NEDD1: variants seen among roughly 807,000 people sequenced by gnomAD.
NEDD1 encodes the protein protein NEDD1.
In NEDD1, 33 loss-of-function variants were observed where a neutral mutation model predicts 74.0. The ratio of observed to expected loss-of-function variants is 0.45; its 90% CI spans 0.34 to 0.60. The LOEUF is 0.60. NEDD1 is among the 20% of genes least tolerant of loss of function. The probability of loss-of-function intolerance (pLI) is 0.01; values close to 1 mark genes in which losing one functional copy is unlikely to be tolerated. For missense variants in NEDD1, 746 were observed against 776.5 expected (o/e 0.96, Z 0.47); for synonymous variants, 250 against 264.4 (o/e 0.95, Z 0.53).
chr12:96,920,743 T>G (rs1459527487), intron 6 of NEDD1, among the ~76,000 whole-genome samples: 3 of 152,200 alleles, frequency 2.0e-5, no homozygotes, highest in Non-Finnish European at 4.4e-5. Context: ...AGATTCGCCA[T>G]AGAAATTTCC....
intron 12 of NEDD1, 30 bp from the exon 13 acceptor site, chr12:96,944,609 T>G (rs1380829239): frequency 1.4e-6 from 2 of 1,427,186 alleles, no homozygotes; most frequent in Non-Finnish European, 1.9e-6. Flanking sequence ...AAATTGTATA[T>G]TAAAGTCATT....
Position 96,940,521 on chromosome 12 carries a change from C to T in NEDD1, c.1230C>T (p.Phe410=), listed in dbSNP as rs747798181. The part of the protein sequence containing the change: ...DTGKSSLGDM[F]SPIRDDAVVN... ...GGAAAAGTAGTTTAGGTGACATGTT[C>T]TCACCTATCAGAGATGGTAAGTCTG... The change falls in exon 10 of 16, where the codon TTC becomes TTT. Residue 410 remains phenylalanine (F), a synonymous_variant. Transcript: ENST00000266742. The T allele has an allele frequency of 3.7e-6, 6 of 1,602,942 alleles. No individual in the cohort carries two copies. The highest frequency in any genetic ancestry group is 2.7e-5 in the African/African-American group (2 of 74,616).
At chr12:96,913,430 A>G (rs535014168) in intron 4 of NEDD1, among the ~76,000 whole-genome samples, 79 of 151,228 alleles carry the variant, frequency 5.2e-4, no homozygotes, top group Non-Finnish European at 8.8e-4. Flanking sequence ...CTGGAGTGCA[A>G]TGGTGCAATC....
At chr12:96,946,869 C>T (rs1478551514) in intron 14 of NEDD1, among the ~76,000 whole-genome samples, 1 of 152,136 alleles carries the variant, frequency 6.6e-6, no homozygotes, top group Admixed American at 6.5e-5. Context: ...GCATCCATCT[C>T]TTTTTATTCA....
At chr12:96,925,378 G>T (rs575398542) in intron 6 of NEDD1, among the ~76,000 whole-genome samples, 1 of 152,258 alleles carries the variant, frequency 6.6e-6, no homozygotes, top group South Asian at 2.1e-4. Flanking sequence ...TCATTGCATT[G>T]AATTACATTG....
In NEDD1 at chr12:96,909,786, A is replaced by T. The variant is rs750577784; in HGVS notation, c.27A>T (p.Ser9=). The change falls in exon 3 of 16, where the codon TCA becomes TCT. Residue 9 remains serine, a synonymous_variant. Coordinates refer to ENST00000266742, the MANE Select transcript of NEDD1 (RefSeq NM_152905.4). MQENLRFA[S]SGDDIKIWDA... ...TGCAGGAAAACCTCAGATTTGCTTC[A>T]TCAGGAGATGATATTAAAATATGGG... The T allele has an allele frequency of 1.2e-6, 2 of 1,613,658 alleles. No individual in the cohort carries two copies. The highest frequency in any genetic ancestry group is 1.7e-6 in the Non-Finnish European group (2 of 1,179,636).
At chr12:96,915,057 C>G (rs1874297981) in intron 4 of NEDD1, among the ~76,000 whole-genome samples, 2 of 152,178 alleles carry the variant, frequency 1.3e-5, no homozygotes, top group South Asian at 4.1e-4. Context: ...CAACCAGATT[C>G]TAAAGCTTCT....
At position 96,909,819 on chromosome 12, in the gene NEDD1, A is replaced by G. The variant is rs1306892400; in HGVS notation, c.60A>G (p.Ser20=). The G allele has an allele frequency of 1.9e-6, 3 of 1,613,834 alleles. No homozygotes were observed. The highest frequency in any genetic ancestry group is 2.5e-6 in the Non-Finnish European group (3 of 1,179,780). ...ATGATATTAAAATATGGGATGCTTC[A>G]TCTATGACATTGGTGGATAAATTCA... ...SGDDIKIWDA[S]SMTLVDKFNP... The change falls in exon 3 of 16, where the codon TCA becomes TCG. Residue 20 remains serine (S), a synonymous_variant. Coordinates refer to ENST00000266742, the MANE Select transcript of NEDD1 (RefSeq NM_152905.4).
In NEDD1 at chr12:96,942,530, GT is replaced by G. The variant is rs775031669; in HGVS notation, c.1247-44del. The G allele has an allele frequency of 3.2e-6, 3 of 927,628 alleles. No homozygotes were observed. In the East Asian group the frequency reaches 7.2e-5, roughly 22 times the overall value. 57.5% of individuals were successfully genotyped at this position (927,628 alleles called of 1,614,324 possible). On this transcript the variant is annotated intron_variant, in intron 10 of 15. Coordinates refer to ENST00000266742, the MANE Select transcript of NEDD1 (RefSeq NM_152905.4). ...TGAATAAGAAGCCTAAATTGATATGGTTTCTTTTTCACTAGTTTTAAAATTT... is the reference window on the plus strand; with the variant it reads ...TGAATAAGAAGCCTAAATTGATATGGTTCTTTTTCACTAGTTTTAAAATTT...
chr12:96,945,660 G>T, intron 13 of NEDD1, 33 bp from the exon 14 acceptor site: 1 of 1,390,904 alleles, frequency 7.2e-7, no homozygotes, highest in South Asian at 1.2e-5. Flanking sequence ...AGTCCAAGTT[G>T]ACTATTAATA....
At chr12:96,924,334 T>G (rs116630556) in intron 6 of NEDD1, among the ~76,000 whole-genome samples, 1,855 of 152,326 alleles carry the variant, frequency 0.012, 37 homozygotes, top group African/African-American at 0.043. Context: ...TAGAATCAGC[T>G]TGCCCATTTC....
chr12:96,936,019 C>T (rs1029123989), intron 7 of NEDD1, among the ~76,000 whole-genome samples: 2 of 152,102 alleles, frequency 1.3e-5, no homozygotes, highest in Non-Finnish European at 1.5e-5. Flanking sequence ...ACTGAGAGCC[C>T]AGTAAGCCAT....
chr12:96,931,826 T>TA (rs1000654971), intron 6 of NEDD1, among the ~76,000 whole-genome samples: 1 of 152,164 alleles, frequency 6.6e-6, no homozygotes, highest in Non-Finnish European at 1.5e-5. Flanking sequence ...GAAAAATACT[T>TA]AAAGGATACC....
intron 6 of NEDD1, among the ~76,000 whole-genome samples, chr12:96,929,620 TA>T (rs1260451402): frequency 2.1e-4 from 29 of 137,432 alleles, no homozygotes; most frequent in African/African-American, 8.1e-4. Flanking sequence ...TATATATATA[TA>T]TATTTTTTTT....
At position 96,937,271 on chromosome 12, in the gene NEDD1, G is replaced by A. The variant is rs769818402; in HGVS notation, c.995G>A (p.Ser332Asn). The A allele has an allele frequency of 1.1e-5, 17 of 1,612,756 alleles. No homozygotes were observed. The highest frequency in any genetic ancestry group is 7.7e-5 in the South Asian group (7 of 91,058). ...NKRSVNVNAA[S>N]GGVQNSGIVR... ...CGAAGTGTTAATGTGAATGCTGCTAGTGGAGGAGTTCAGAATTCCGGAATT... is the reference window on the plus strand; with the variant it reads ...CGAAGTGTTAATGTGAATGCTGCTAATGGAGGAGTTCAGAATTCCGGAATT... The change falls in exon 9 of 16, where the codon AGT (serine) becomes AAT (asparagine). Residue 332 changes from serine (S) to asparagine (N), a missense_variant. By Grantham distance (46) the Ser-to-Asn change is conservative (BLOSUM62 1). This residue lies in a region of NEDD1 where 706 missense variants were observed against 706.7 expected (regional missense o/e 1.00). Transcript: ENST00000266742.
At chr12:96,941,864 T>C (rs1877694179) in intron 10 of NEDD1, among the ~76,000 whole-genome samples, 1 of 152,140 alleles carries the variant, frequency 6.6e-6, no homozygotes, top group Non-Finnish European at 1.5e-5. Context: ...CTTCTAAAAG[T>C]GTGCATGTAC....
At chr12:96,942,935 A>G (rs1003712046) in intron 11 of NEDD1, among the ~76,000 whole-genome samples, 7 of 152,022 alleles carry the variant, frequency 4.6e-5, no homozygotes, top group African/African-American at 1.4e-4. Flanking sequence ...GCTTCTTTAT[A>G]TATGGGGCAG....
At chr12:96,918,014 T>C (rs1874654379) in intron 5 of NEDD1, among the ~76,000 whole-genome samples, 2 of 152,162 alleles carry the variant, frequency 1.3e-5, no homozygotes, top group African/African-American at 4.8e-5. Context: ...ACTTCACTCA[T>C]TTTTTCCTAA....
chr12:96,932,463 A>AAAAAAAAAAAAAT, intron 6 of NEDD1, among the ~76,000 whole-genome samples: 3 of 9,436 alleles, frequency 3.2e-4, no homozygotes, highest in African/African-American at 1.0e-3. Flanking sequence ...AAAAAAAAAA[A>AAAAAAAAAAAAAT]ATATATATAT....
Sources: gnomAD v4.1 joint callset for allele counts (sites outside exome capture counted in the v4.1 genomes callset) on GRCh38, gnomAD v4.1.1 for gene constraint, gnomAD v4.1.1 regional missense constraint, MANE v1.5 for transcripts, NCBI Gene and HGNC (gene_info 2026-07-23, HGNC 2026-07-21) for gene names.